Variants in KALRN observed in about 807,000 individuals in gnomAD.
KALRN encodes the protein kalirin RhoGEF kinase, also known as kalirin.
In KALRN, 70 loss-of-function variants were observed where a neutral mutation model predicts 353.7. The observed-to-expected ratio is 0.20, with a 90% CI of 0.16 to 0.24. The LOEUF (loss-of-function observed/expected upper bound fraction) is 0.24, where lower values mean the gene tolerates loss of function less well. KALRN is among the 10% of genes least tolerant of loss of function. The pLI is 1.00. For missense variants in KALRN, 2,791 were observed against 3,756.7 expected (o/e 0.74, Z 6.72); for synonymous variants, 1,391 against 1,434.8 (o/e 0.97, Z 0.69).
chr3:124,532,072 ATATGC>A (rs1479960410), intron 33 of KALRN, among the ~76,000 whole-genome samples: 1 of 152,192 alleles, frequency 6.6e-6, no homozygotes, highest in Non-Finnish European at 1.5e-5. Context: ...TATATTATTC[ATATGC>A]TAACCAGTGG....
intron 1 of KALRN, among the ~76,000 whole-genome samples, chr3:124,038,253 A>T (rs1474905796): frequency 6.6e-6 from 1 of 152,098 alleles, no homozygotes; most frequent in Non-Finnish European, 1.5e-5. Flanking sequence ...GGGCATGATG[A>T]AAGAAAGACC....
intron 1 of KALRN, among the ~76,000 whole-genome samples, chr3:124,115,612 G>A (rs748605895): frequency 1.3e-5 from 2 of 152,176 alleles, no homozygotes; most frequent in Non-Finnish European, 2.9e-5. Context: ...GACCTTGGCT[G>A]TAGAGGGTGT....
At position 124,650,815 on chromosome 3, in the gene KALRN, A is replaced by G. The variant is rs2083329393; in HGVS notation, c.5672A>G (p.Glu1891Gly). Residue 1891 changes from glutamate to glycine, a missense_variant, in exon 38 of 60, where the codon GAA becomes GGA. Physicochemically the swap from Glu to Gly is moderately conservative, Grantham distance 98. Transcript: ENST00000682506. ...GTTTTTCTCTCTTTTCAGAGTCTAG[A>G]AGGAAGCTCATACCGGGGGAGCTTG... ...EKLVKNKLSL[E>G]GSSYRGSLKD... 1.2e-6 allele frequency: 2 copies of G among 1,613,512 alleles called. No homozygotes were observed. The highest frequency in any genetic ancestry group is 1.7e-6 in the Non-Finnish European group (2 of 1,179,462).
chr3:124,570,840 A>T (rs754528250), intron 34 of KALRN, among the ~76,000 whole-genome samples: 18 of 152,204 alleles, frequency 1.2e-4, no homozygotes, highest in Non-Finnish European at 1.9e-4. Context: ...GGATCTTAGA[A>T]TTGAAAAGCA....
intron 1 of KALRN, among the ~76,000 whole-genome samples, chr3:124,139,829 G>C (rs959859293): frequency 6.6e-6 from 1 of 152,100 alleles, no homozygotes; most frequent in Non-Finnish European, 1.5e-5. Flanking sequence ...AACAAGGGGG[G>C]ATTTTGTATC....
intron 37 of KALRN, among the ~76,000 whole-genome samples, chr3:124,647,570 C>A (rs2082920830): frequency 1.3e-5 from 2 of 152,196 alleles, no homozygotes; most frequent in Non-Finnish European, 2.9e-5. Flanking sequence ...CACCATAGAG[C>A]CACCTGCTCC....
At chr3:124,703,459 T>C (rs2062443546) in intron 57 of KALRN, among the ~76,000 whole-genome samples, 2 of 152,064 alleles carry the variant, frequency 1.3e-5, no homozygotes, top group South Asian at 4.2e-4. Context: ...ATTTAATCCA[T>C]ACAACACTAT....
intron 16 of KALRN, among the ~76,000 whole-genome samples, chr3:124,433,763 T>C (rs2093369810): frequency 6.6e-6 from 1 of 152,236 alleles, no homozygotes; most frequent in Admixed American, 6.5e-5. Flanking sequence ...GGTTACTCTC[T>C]AGCTTTATTA....
At chr3:124,649,961 A>C (rs571495843) in intron 37 of KALRN, among the ~76,000 whole-genome samples, 110 of 117,606 alleles carry the variant, frequency 9.4e-4, no homozygotes, top group Admixed American at 1.8e-3. Context: ...CTGTCTCTAA[A>C]ATAAAATAAT....
At chr3:124,561,776 G>A (rs888304375) in intron 33 of KALRN, among the ~76,000 whole-genome samples, 4 of 152,202 alleles carry the variant, frequency 2.6e-5, no homozygotes, top group Admixed American at 2.0e-4. Flanking sequence ...AGGCTACCAA[G>A]CTGGGCCTCA....
intron 51 of KALRN, chr3:124,679,881 T>G (rs1559838957): frequency 3.2e-6 from 1 of 313,738 alleles, no homozygotes; most frequent in Admixed American, 4.4e-5. Flanking sequence ...CCCAGCTAAA[T>G]GACAAGGACT....
chr3:124,316,207 C>G (rs1371218961), intron 6 of KALRN, among the ~76,000 whole-genome samples: 1 of 152,154 alleles, frequency 6.6e-6, no homozygotes, highest in East Asian at 1.9e-4. Flanking sequence ...CATGGTTACC[C>G]CCTTGATCCA....
At chr3:124,623,831 A>T (rs1227060979) in intron 34 of KALRN, among the ~76,000 whole-genome samples, 4 of 152,208 alleles carry the variant, frequency 2.6e-5, no homozygotes. Flanking sequence ...TAGAAGAAGG[A>T]CAATGTTTGA....
chr3:124,125,527 TGTG>T (rs1452258732), intron 1 of KALRN, among the ~76,000 whole-genome samples: 3 of 152,174 alleles, frequency 2.0e-5, no homozygotes, highest in Admixed American at 1.3e-4. Flanking sequence ...GAAGCTGTGA[TGTG>T]GTGGGTGGAG....
intron 9 of KALRN, among the ~76,000 whole-genome samples, chr3:124,337,529 G>A (rs1210965702): frequency 6.6e-6 from 1 of 152,196 alleles, no homozygotes; most frequent in Non-Finnish European, 1.5e-5. Context: ...TGGATGTGCT[G>A]CTGGATTCAT....
At chr3:124,079,314 T>G (rs1043364876) in intron 1 of KALRN, among the ~76,000 whole-genome samples, 1 of 152,058 alleles carries the variant, frequency 6.6e-6, no homozygotes, top group Non-Finnish European at 1.5e-5. Context: ...ACAAAAGAAA[T>G]GTACAAGAGG....
chr3:124,410,282 C>G (rs1576686655), intron 13 of KALRN: 1 of 532,770 alleles, frequency 1.9e-6, no homozygotes, highest in Admixed American at 1.9e-5. Context: ...AAATAGATAC[C>G]TCAGACTCAG....
chr3:124,133,491 G>A (rs979155132), intron 1 of KALRN, among the ~76,000 whole-genome samples: 1 of 152,212 alleles, frequency 6.6e-6, no homozygotes, highest in Non-Finnish European at 1.5e-5. Flanking sequence ...TAGCTAACAA[G>A]GACAGCCCTC....
Position 124,655,603 on chromosome 3 carries a change from T to C in KALRN, c.5798T>C (p.Phe1933Ser), listed in dbSNP as rs2083923606. Residue 1933 changes from phenylalanine to serine, a missense_variant and splice_region_variant, in exon 39 of 60, where the codon TTT becomes TCT. Physicochemically the swap from Phe to Ser is radical, Grantham distance 155 (BLOSUM62 -2). Coordinates refer to ENST00000682506, the MANE Select transcript of KALRN (RefSeq NM_001388419.1). Reference protein sequence around the residue: ...QKAKALRGRMFVLNELVQTEK... With the variant: ...QKAKALRGRMSVLNELVQTEK... Reference sequence around the variant, plus strand: ...ACTGTTCTTAATCTCCTGCTCAGGTTTGTCCTGAATGAGCTGGTACAGACA... The same window carrying C: ...ACTGTTCTTAATCTCCTGCTCAGGTCTGTCCTGAATGAGCTGGTACAGACA... 1 of 1,613,088 alleles carries C rather than the reference T, an allele frequency of 6.2e-7. No homozygotes were observed. The highest frequency in any genetic ancestry group is 1.3e-5 in the African/African-American group (1 of 75,022).
Sources: allele counts gnomAD v4.1 joint callset (sites outside exome capture counted in the v4.1 genomes callset), GRCh38; gene constraint gnomAD v4.1.1; transcripts MANE v1.5; gene names NCBI Gene and HGNC (gene_info 2026-07-23, HGNC 2026-07-21).